The following TLK2 variants were observed in gnomAD, a reference collection of about 807,000 sequenced individuals.
TLK2 encodes the protein serine/threonine-protein kinase tousled-like 2.
Under a neutral mutation model 117.3 loss-of-function variants are expected in TLK2, and 6 were observed. The ratio of observed to expected loss-of-function variants is 0.05; its 90% CI spans 0.03 to 0.10. The LOEUF (loss-of-function observed/expected upper bound fraction) is 0.10, where lower values mean the gene tolerates loss of function less well. TLK2 is among the 10% of genes least tolerant of loss of function. The probability of loss-of-function intolerance (pLI) is 1.00; values close to 1 mark genes in which losing one functional copy is unlikely to be tolerated. For synonymous variants in TLK2, 257 were observed against 316.7 expected, an observed-to-expected ratio of 0.81 and a Z score of 2.00; for missense variants, 299 against 901.2, an observed-to-expected ratio of 0.33 and a Z score of 8.56.
intron 7 of TLK2, among the ~76,000 whole-genome samples, chr17:62,548,641 T>C (rs1238131584): frequency 1.3e-5 from 2 of 152,154 alleles, no homozygotes; most frequent in Admixed American, 6.5e-5. Context: ...CTCAGTTTGC[T>C]GGAAGAAAAC....
intron 9 of TLK2, among the ~76,000 whole-genome samples, chr17:62,557,917 C>T (rs1199860942): frequency 6.6e-6 from 1 of 152,128 alleles, no homozygotes; most frequent in Non-Finnish European, 1.5e-5. Context: ...CAGACTGTTG[C>T]AGTCTTTATT....
upstream of TLK2, chr17:62,478,081 G>A (rs1379599634): frequency 2.6e-5 from 4 of 151,992 alleles, no homozygotes; most frequent in Non-Finnish European, 4.4e-5. Context: ...CTGCCAGCCA[G>A]GTACGTGGAG....
intron 2 of TLK2, among the ~76,000 whole-genome samples, chr17:62,500,043 A>G (rs2074059864): frequency 6.6e-6 from 1 of 152,018 alleles, no homozygotes; most frequent in Non-Finnish European, 1.5e-5. Flanking sequence ...ATTACAATGA[A>G]TTTCCTAGAT....
intron 2 of TLK2, among the ~76,000 whole-genome samples, chr17:62,514,145 A>G (rs1355625453): frequency 2.6e-5 from 4 of 151,086 alleles, no homozygotes; most frequent in Non-Finnish European, 5.9e-5. Context: ...CAAATAAATA[A>G]TAATTTTTTT....
intron 7 of TLK2, among the ~76,000 whole-genome samples, chr17:62,540,017 T>A (rs2145910150): frequency 6.6e-6 from 1 of 152,070 alleles, no homozygotes; most frequent in Non-Finnish European, 1.5e-5. Context: ...CCATTTCTCC[T>A]ACAGCTGCCT....
At chr17:62,554,823 G>C (rs2078726454) in intron 9 of TLK2, among the ~76,000 whole-genome samples, 1 of 151,126 alleles carries the variant, frequency 6.6e-6, no homozygotes, top group Non-Finnish European at 1.5e-5. Context: ...GCTACAGTGA[G>C]CCAAGTTCAC....
At chr17:62,522,154 C>T (rs374934513) in intron 3 of TLK2, 50 bp from the exon 4 acceptor site, 68 of 1,584,790 alleles carry the variant, frequency 4.3e-5, no homozygotes, top group African/African-American at 3.9e-4. Flanking sequence ...TTTTTCCTAA[C>T]GTGAAAAATT....
chr17:62,492,911 C>T (rs530698026), intron 2 of TLK2, among the ~76,000 whole-genome samples: 72 of 151,556 alleles, frequency 4.8e-4, no homozygotes, highest in African/African-American at 1.7e-3. Flanking sequence ...GCCTGGCCAA[C>T]ATAGTGAAAC....
At chr17:62,534,050 C>T (rs2076946171) in intron 6 of TLK2, among the ~76,000 whole-genome samples, 1 of 152,098 alleles carries the variant, frequency 6.6e-6, no homozygotes, top group Admixed American at 6.6e-5. Context: ...AATCTGTCTG[C>T]TTCTGTATCT....
At chr17:62,574,506 C>A in intron 12 of TLK2, 1 of 692,626 alleles carries the variant, frequency 1.4e-6, no homozygotes, top group Non-Finnish European at 2.4e-6. Context: ...CATATAACTC[C>A]AAATTTTGTT....
chr17:62,552,565 G>A (rs1357457813), intron 8 of TLK2, among the ~76,000 whole-genome samples, 168 bp downstream of exon 8: 2 of 152,040 alleles, frequency 1.3e-5, no homozygotes, highest in East Asian at 3.9e-4. Context: ...AAAGTCCTTT[G>A]GAAGGTGCTT....
intron 2 of TLK2, among the ~76,000 whole-genome samples, chr17:62,505,744 C>T (rs1458780317): frequency 6.6e-6 from 1 of 151,986 alleles, no homozygotes; most frequent in Non-Finnish European, 1.5e-5. Flanking sequence ...CAGGCTGGAG[C>T]GCAGTGGTGC....
At chr17:62,595,151 G>A (rs368985565) in intron 16 of TLK2, among the ~76,000 whole-genome samples, 12 of 152,108 alleles carry the variant, frequency 7.9e-5, no homozygotes, top group African/African-American at 1.9e-4. Flanking sequence ...TAGTAGAGAC[G>A]GGGTTTCACC....
chr17:62,519,481 C>T (rs1165267039), intron 2 of TLK2, among the ~76,000 whole-genome samples: 1 of 152,000 alleles, frequency 6.6e-6, no homozygotes, highest in African/African-American at 2.4e-5. Flanking sequence ...CCTAGCAATT[C>T]CATATGCATG....
intron 2 of TLK2, among the ~76,000 whole-genome samples, chr17:62,505,862 T>C (rs28666999): frequency 0.46 from 70,025 of 151,872 alleles, 18,030 homozygotes; most frequent in East Asian, 0.71. Context: ...TGGCTAATTA[T>C]TTATTTTTTT....
intron 2 of TLK2, chr17:62,516,285 G>A (rs1412051282): frequency 4.9e-6 from 4 of 811,750 alleles, no homozygotes; most frequent in Non-Finnish European, 7.8e-6. Flanking sequence ...TTTTTTGGCT[G>A]TAAATTTATT....
chr17:62,475,119 A>G (rs1008621090), upstream of TLK2, among the ~76,000 whole-genome samples: 9 of 152,188 alleles, frequency 5.9e-5, no homozygotes, highest in African/African-American at 1.9e-4. Flanking sequence ...GAATTGGAAG[A>G]AGAGAGGAAA....
chr17:62,569,555 C>T (rs2080102065), intron 11 of TLK2, among the ~76,000 whole-genome samples: 1 of 150,012 alleles, frequency 6.7e-6, no homozygotes, highest in African/African-American at 2.5e-5. Flanking sequence ...CCTGCCTCAA[C>T]CTCCTGAGTA....
chr17:62,555,769 G>A (rs895039694), intron 9 of TLK2, among the ~76,000 whole-genome samples: 5 of 151,470 alleles, frequency 3.3e-5, no homozygotes, highest in East Asian at 2.0e-4. Context: ...GAGCCACCGC[G>A]CCCGGCTATT....
Sources: gnomAD v4.1 joint callset for allele counts (sites outside exome capture counted in the v4.1 genomes callset) on GRCh38, gnomAD v4.1.1 for gene constraint, MANE v1.5 for transcripts, NCBI Gene and HGNC (gene_info 2026-07-23, HGNC 2026-07-21) for gene names.